PTPRF: variants seen among roughly 807,000 people sequenced by gnomAD.
PTPRF encodes the protein receptor-type tyrosine-protein phosphatase F.
A neutral mutation model predicts 201.8 loss-of-function variants in PTPRF; 59 were observed. That is an observed-to-expected ratio of 0.29 (90% CI 0.24 to 0.36). The LOEUF is 0.36. Ranked by LOEUF, PTPRF falls within the 10% of genes least tolerant of loss-of-function variation. PTPRF has a pLI of 1.00. For missense variants in PTPRF, 2,132 were observed against 2,690.5 expected, an observed-to-expected ratio of 0.79 and a Z score of 4.59; for synonymous variants, 1,088 against 1,089.7, an observed-to-expected ratio of 1.00 and a Z score of 0.03.
At chr1:43,565,112 C>T (rs1291905716) in intron 5 of PTPRF, among the ~76,000 whole-genome samples, 1 of 152,200 alleles carries the variant, frequency 6.6e-6, no homozygotes, top group Non-Finnish European at 1.5e-5. Context: ...GGAAAGCTTT[C>T]TGCCTCCCAT....
upstream of PTPRF, among the ~76,000 whole-genome samples, chr1:43,529,087 G>T (rs924768958): frequency 2.0e-5 from 3 of 152,052 alleles, no homozygotes; most frequent in South Asian, 6.2e-4. Context: ...TAAAATTTGG[G>T]GGCCGAGAGG....
chr1:43,594,961 T>G (rs1008307495), intron 11 of PTPRF, among the ~76,000 whole-genome samples: 1 of 152,062 alleles, frequency 6.6e-6, no homozygotes, highest in Non-Finnish European at 1.5e-5. Flanking sequence ...TTTCAAGAAC[T>G]AGACGAGATG....
rs775452572 is a variant in PTPRF at position 43,606,466 on chromosome 1, T to A, written c.3702+8T>A. 6.2e-7 allele frequency: 1 copy of A among 1,607,136 alleles called. No homozygotes were observed. Among genetic ancestry groups the A allele is most frequent in the Admixed American group, 1.7e-5 (1 of 59,784 alleles). On this transcript the variant is annotated splice_region_variant and intron_variant, in intron 20 of 33. Coordinates refer to ENST00000359947, the MANE Select transcript of PTPRF (RefSeq NM_002840.5). ...AAGGAACCCATGGACCAGGTCTGCCTGAGCCGGCTTGGCTGTCAGCACCCT... is the reference window on the plus strand; with the variant it reads ...AAGGAACCCATGGACCAGGTCTGCCAGAGCCGGCTTGGCTGTCAGCACCCT...
intron 2 of PTPRF, among the ~76,000 whole-genome samples, chr1:43,544,268 A>G (rs897066569): frequency 5.9e-5 from 9 of 152,026 alleles, no homozygotes; most frequent in African/African-American, 1.9e-4. Context: ...TCTAGGGTCT[A>G]ACACCCCATT....
At chr1:43,618,922 C>CTA in intron 26 of PTPRF, 126 bp from the exon 27 acceptor site, 2 of 1,452,286 alleles carry the variant, frequency 1.4e-6, no homozygotes, top group South Asian at 2.6e-5. Context: ...GAGCTTCAGG[C>CTA]TACTCTGTGT....
intron 20 of PTPRF, 40 bp from the exon 21 acceptor site, chr1:43,606,774 A>C: frequency 6.2e-7 from 1 of 1,601,452 alleles, no homozygotes; most frequent in Non-Finnish European, 8.5e-7. Context: ...GGGGGTTCTC[A>C]CGCTGAGCTC....
At position 43,597,969 on chromosome 1, in the gene PTPRF, G is replaced by A. The variant is rs1327972182; in HGVS notation, c.2035G>A (p.Glu679Lys). Residue 679 changes from glutamate (E) to lysine (K), a missense_variant, in exon 12 of 34, where the codon GAG becomes AAG. Glu to Lys is a moderately conservative substitution (Grantham distance 56, BLOSUM62 1). Transcript: ENST00000359947. ...WDLVGLEKWT[E>K]YRVWVRAHTD... ...CCTGGTGGGCCTGGAGAAGTGGACG[G>A]AGTACCGGGTGTGGGTGCGGGCACA... 3.2e-6 allele frequency: 5 copies of A among 1,557,220 alleles called. No homozygotes were observed. Among genetic ancestry groups the A allele is most frequent in the Non-Finnish European group, 2.6e-6 (3 of 1,149,268 alleles).
chr1:43,553,547 A>G lies in PTPRF; in HGVS notation c.147A>G (p.Val49=), dbSNP rs755087571. 5 of 1,613,954 alleles carry G rather than the reference A, an allele frequency of 3.1e-6. No homozygotes were observed. Among genetic ancestry groups the G allele is most frequent in the Non-Finnish European group, 3.4e-6 (4 of 1,179,816 alleles). ...PEDQTGLSGG[V]ASFVCQATGE... The stretch of plus-strand genomic sequence containing the variant: ...ACCAGACTGGGCTGTCAGGAGGGGT[A>G]GCCTCCTTCGTGTGCCAAGCTACAG... Residue 49 remains valine, a synonymous_variant, in exon 4 of 34, where the codon GTA becomes GTG. Coordinates refer to ENST00000359947, the MANE Select transcript of PTPRF (RefSeq NM_002840.5). This position sits in a 1 kb window ranked among gnomAD's most constrained non-coding sequence, Gnocchi z 4.1.
intron 7 of PTPRF, among the ~76,000 whole-genome samples, chr1:43,586,005 C>T (rs535940307): frequency 6.6e-6 from 1 of 152,328 alleles, no homozygotes; most frequent in Admixed American, 6.5e-5. Flanking sequence ...CTCCCCAGAG[C>T]CTTCTGGGTC....
intron 6 of PTPRF, among the ~76,000 whole-genome samples, chr1:43,573,593 G>A (rs375597898): frequency 2.0e-5 from 3 of 152,290 alleles, no homozygotes; most frequent in South Asian, 2.1e-4. Context: ...TGCCATCTGC[G>A]GGGCCTGCCA....
intron 7 of PTPRF, among the ~76,000 whole-genome samples, chr1:43,583,428 G>A (rs1030964176): frequency 8.5e-5 from 13 of 152,206 alleles, no homozygotes; most frequent in African/African-American, 2.9e-4. Context: ...TGATCCAGGC[G>A]GTGCTCAGGA....
At chr1:43,586,367 C>G (rs571917106) in intron 7 of PTPRF, among the ~76,000 whole-genome samples, 1 of 152,376 alleles carries the variant, frequency 6.6e-6, no homozygotes, top group East Asian at 1.9e-4. Flanking sequence ...TGAGGCCCAT[C>G]TCCAGAGCAG....
chr1:43,522,237 A>C (rs992246710), upstream of PTPRF, among the ~76,000 whole-genome samples: 1 of 152,202 alleles, frequency 6.6e-6, no homozygotes, highest in African/African-American at 2.4e-5. Context: ...AATGAAAAGG[A>C]GACAGCCACG....
At chr1:43,597,128 AGACACTGTGT>A in intron 11 of PTPRF, among the ~76,000 whole-genome samples, 1 of 151,680 alleles carries the variant, frequency 6.6e-6, no homozygotes, top group Non-Finnish European at 1.5e-5. Context: ...GACACGTGTG[AGACACTGTGT>A]ATATGACACT....
At chr1:43,615,932 G>C (rs1054132546) in intron 23 of PTPRF, among the ~76,000 whole-genome samples, 3 of 152,134 alleles carry the variant, frequency 2.0e-5, no homozygotes, top group African/African-American at 4.8e-5. Context: ...TCCCCGTGCT[G>C]GGGATGTGGA....
chr1:43,618,710 G>A lies in PTPRF; in HGVS notation c.4452G>A (p.Glu1484=). The A allele has an allele frequency of 6.2e-7, 1 of 1,611,862 alleles. No individual in the cohort carries two copies. The part of the protein sequence containing the change: ...LIQVTLLDTV[E]LATYTVRTFA... ...AGGTGACCCTGTTGGACACAGTGGA[G>A]CTGGCCACATACACTGTGCGCACCT... Residue 1484 remains glutamate (E), a synonymous_variant, in exon 26 of 34, where the codon GAG becomes GAA. Coordinates refer to ENST00000359947, the MANE Select transcript of PTPRF (RefSeq NM_002840.5).
chr1:43,558,553 G>T (rs1645554546), intron 5 of PTPRF, among the ~76,000 whole-genome samples: 2 of 152,212 alleles, frequency 1.3e-5, no homozygotes, highest in South Asian at 2.1e-4. Flanking sequence ...TGTGATGAGC[G>T]TGGGGCCCGC....
At chr1:43,550,690 T>C (rs963884065) in intron 3 of PTPRF, among the ~76,000 whole-genome samples, 1 of 152,186 alleles carries the variant, frequency 6.6e-6, no homozygotes, top group Admixed American at 6.5e-5. Context: ...CTCACACGTG[T>C]GCATAATAAA....
rs555045018 is a variant in PTPRF at position 43,599,677 on chromosome 1, A to G, written c.2313+764A>G. Among the ~76,000 whole-genome samples, 238 of 152,296 alleles carry G rather than the reference A, an allele frequency of 1.6e-3. 1 individual carries two copies. The highest frequency in any genetic ancestry group is 2.5e-3 in the South Asian group (12 of 4,820). On this transcript the variant is annotated intron_variant, in intron 13 of 33. Transcript: ENST00000359947. ...TGGTCCTGCCCTTGAGCTTGGGGTG[A>G]GGTCCCTGGGGTATTCTGAACACTG...
Sources: gnomAD v4.1 joint callset for allele counts (sites outside exome capture counted in the v4.1 genomes callset) on GRCh38, gnomAD v4.1.1 for gene constraint, Gnocchi (gnomAD v3.1) non-coding constraint, MANE v1.5 for transcripts, NCBI Gene and HGNC (gene_info 2026-07-23, HGNC 2026-07-21) for gene names.